SUMF1: variants seen among roughly 807,000 people sequenced by gnomAD.
SUMF1 encodes formylglycine-generating enzyme.
In SUMF1, 48 loss-of-function variants were observed where a neutral mutation model predicts 47.6. That is an observed-to-expected ratio of 1.01 (90% CI 0.80 to 1.28). SUMF1 has a LOEUF of 1.28. Ranked by LOEUF, SUMF1 falls within the 50% of genes most tolerant of loss-of-function variation. The pLI, the probability that SUMF1 is intolerant of heterozygous loss-of-function variation, is 0.00. For synonymous variants in SUMF1, 230 were observed against 192.1 expected (o/e 1.20, Z -1.63); for missense variants, 571 against 485.4 (o/e 1.18, Z -1.66).
intron 1 of SUMF1, among the ~76,000 whole-genome samples, chr3:4,460,303 CTA>C (rs2079776700): frequency 6.6e-6 from 1 of 152,090 alleles, no homozygotes; most frequent in South Asian, 2.1e-4. Flanking sequence ...ATATACTCTT[CTA>C]TATGTTTTTA....
intron 8 of SUMF1, among the ~76,000 whole-genome samples, chr3:4,331,570 G>T (rs1699052228): frequency 6.6e-6 from 1 of 152,212 alleles, no homozygotes; most frequent in Admixed American, 6.5e-5. Flanking sequence ...GCTCACGCCT[G>T]TAATCCCAGT....
Position 4,303,791 on chromosome 3 carries a change from T to C in SUMF1, c.1014+72539A>G, listed in dbSNP as rs80263780. 1,209 of 1,418,652 alleles carry C rather than the reference T, an allele frequency of 8.5e-4. 9 individuals are homozygous for C. In the African/African-American group the frequency reaches 0.016, roughly 19 times the overall value. 87.9% of individuals were successfully genotyped at this position (1,418,652 alleles called of 1,614,324 possible). Reference sequence around the variant, plus strand: ...GGCCTTGTGAGAACCTGGCTTTTTGTCCAGTCCTGTCCTCAGAACTCAAGG... The same window carrying C: ...GGCCTTGTGAGAACCTGGCTTTTTGCCCAGTCCTGTCCTCAGAACTCAAGG... On this transcript the variant is annotated intron_variant and NMD_transcript_variant, in intron 8 of 12. Coordinates refer to the SUMF1 transcript ENST00000448413.
chr3:4,151,421 G>GTGTATACATGTGTATATA (rs1694324996), intron 8 of SUMF1, among the ~76,000 whole-genome samples: 2 of 50,998 alleles, frequency 3.9e-5, no homozygotes, highest in African/African-American at 6.0e-5. Flanking sequence ...ATGTATATAT[G>GTGTATACATGTGTATATA]TGTATACATG....
chr3:4,130,974 G>T (rs1027417147), intron 8 of SUMF1, among the ~76,000 whole-genome samples: 18 of 152,070 alleles, frequency 1.2e-4, no homozygotes, highest in Non-Finnish European at 2.9e-5. Context: ...CCTTTGGCAG[G>T]CCCCCATAGG....
chr3:4,044,949 TA>T (rs149477168), intron 9 of SUMF1, among the ~76,000 whole-genome samples: 96 of 152,138 alleles, frequency 6.3e-4, no homozygotes, highest in African/African-American at 2.1e-3. Flanking sequence ...TTTAACATGA[TA>T]AAAAAAAGTC....
At chr3:4,291,886 T>C (rs544305623) in intron 8 of SUMF1, among the ~76,000 whole-genome samples, 4 of 152,174 alleles carry the variant, frequency 2.6e-5, no homozygotes, top group African/African-American at 4.8e-5. Context: ...CAAACGTCTT[T>C]TGCCAACTCT....
chr3:4,344,910 C>G (rs308717), intron 8 of SUMF1, among the ~76,000 whole-genome samples: 55,130 of 151,684 alleles, frequency 0.36, 13,060 homozygotes, highest in African/African-American at 0.68. Context: ...TAGCCAAATA[C>G]AGCAAGCGGA....
At chr3:4,118,017 C>A (rs2125075424) in intron 8 of SUMF1, among the ~76,000 whole-genome samples, 1 of 152,054 alleles carries the variant, frequency 6.6e-6, no homozygotes, top group African/African-American at 2.4e-5. Flanking sequence ...GGATTCTCAG[C>A]TTGAACCTAA....
intron 8 of SUMF1, among the ~76,000 whole-genome samples, chr3:4,341,887 T>C (rs1394558618): frequency 2.0e-5 from 3 of 152,200 alleles, no homozygotes; most frequent in African/African-American, 7.2e-5. Flanking sequence ...CATTTGAAAA[T>C]ACTCCAATTC....
intron 8 of SUMF1, among the ~76,000 whole-genome samples, chr3:4,161,482 T>A (rs1175619852): frequency 6.6e-6 from 1 of 152,136 alleles, no homozygotes; most frequent in Non-Finnish European, 1.5e-5. Context: ...TGGTGCTCTA[T>A]TCTACCAACT....
chr3:4,104,220 T>C (rs11129888), intron 8 of SUMF1, among the ~76,000 whole-genome samples: 4,121 of 152,122 alleles, frequency 0.027, 85 homozygotes, highest in African/African-American at 0.038. Flanking sequence ...GATCTGATGG[T>C]TTTATAAGGA....
Position 4,180,683 on chromosome 3 carries a change from A to AACACACACACAC in SUMF1, c.1015-111950_1015-111939dup, listed in dbSNP as rs59921396. 1.4e-3 allele frequency among the ~76,000 whole-genome samples: 192 copies of AACACACACACAC among 139,730 alleles called. 5 individuals carry two copies. Among genetic ancestry groups the AACACACACACAC allele is most frequent in the Admixed American group, 0.012 (169 of 13,914 alleles). The allele number at this position is 139,730 out of a possible 152,430, so 91.7% of individuals were successfully genotyped here. A position where few individuals can be genotyped will look rare whatever the true frequency, so the allele number is the denominator to read the frequency against. On this transcript the variant is annotated intron_variant and NMD_transcript_variant, in intron 8 of 12. Coordinates refer to the SUMF1 transcript ENST00000448413. Reference sequence around the variant, plus strand: ...ATTGTGCACATGTACCCTAGAACTTAACACACACACACACACAAAATTAGC... The same window carrying AACACACACACAC: ...ATTGTGCACATGTACCCTAGAACTTAACACACACACACACACACACACACACACAAAATTAGC...
intron 8 of SUMF1, among the ~76,000 whole-genome samples, chr3:4,205,059 C>G (rs915755354): frequency 6.6e-6 from 1 of 152,044 alleles, no homozygotes; most frequent in Non-Finnish European, 1.5e-5. Context: ...TCCCCAGTGA[C>G]CTGCACATAT....
intron 8 of SUMF1, among the ~76,000 whole-genome samples, chr3:4,239,242 T>C (rs1240860217): frequency 6.6e-6 from 1 of 152,174 alleles, no homozygotes; most frequent in African/African-American, 2.4e-5. Flanking sequence ...TGCTTAAGAT[T>C]GTCTTGGCTA....
chr3:4,455,695 C>A (rs767485278), intron 1 of SUMF1, among the ~76,000 whole-genome samples: 2 of 152,046 alleles, frequency 1.3e-5, no homozygotes, highest in South Asian at 2.1e-4. Flanking sequence ...CCAGCCTGGG[C>A]GACACAGCAA....
At chr3:4,428,747 A>C (rs1326189821) in intron 3 of SUMF1, among the ~76,000 whole-genome samples, 1 of 134,254 alleles carries the variant, frequency 7.4e-6, no homozygotes, top group Non-Finnish European at 1.6e-5. Flanking sequence ...AATGGAGCTA[A>C]GACTTAATTT....
chr3:4,214,204 A>T (rs1695864885), intron 8 of SUMF1, among the ~76,000 whole-genome samples: 1 of 152,192 alleles, frequency 6.6e-6, no homozygotes, highest in Non-Finnish European at 1.5e-5. Context: ...ATCATAACAA[A>T]CAGTCTCTCA....
chr3:4,313,246 G>T (rs1698490473), intron 8 of SUMF1: 1 of 1,613,804 alleles, frequency 6.2e-7, no homozygotes, highest in South Asian at 1.1e-5. Flanking sequence ...CTGTGAATAT[G>T]CTGGTGAGGT....
At chr3:4,389,047 C>T (rs556968514) in intron 7 of SUMF1, among the ~76,000 whole-genome samples, 6 of 152,248 alleles carry the variant, frequency 3.9e-5, no homozygotes, top group Admixed American at 3.9e-4. Flanking sequence ...TTTGGGCTTA[C>T]CATGTTCTTC....
Sources: allele counts gnomAD v4.1 joint callset (sites outside exome capture counted in the v4.1 genomes callset), GRCh38; gene constraint gnomAD v4.1.1; transcripts MANE v1.5; gene names NCBI Gene and HGNC (gene_info 2026-07-23, HGNC 2026-07-21).